The following SETD2 variants were observed in gnomAD, a reference collection of about 807,000 sequenced individuals.
SETD2 encodes the protein histone-lysine N-methyltransferase SETD2.
Under a neutral mutation model 242.1 loss-of-function variants are expected in SETD2, and 31 were observed. The ratio of observed to expected loss-of-function variants is 0.13; its 90% CI spans 0.10 to 0.17. The LOEUF (loss-of-function observed/expected upper bound fraction) is 0.17. Ranked by LOEUF, SETD2 falls within the 10% of genes least tolerant of loss-of-function variation. SETD2 has a pLI of 1.00. For missense variants in SETD2, 2,481 were observed against 3,046.3 expected (o/e 0.81, Z 4.37); for synonymous variants, 1,006 against 1,066.5 (o/e 0.94, Z 1.11).
intron 12 of SETD2, among the ~76,000 whole-genome samples, chr3:47,075,358 G>A (rs1019052214): frequency 1.3e-5 from 2 of 151,572 alleles, no homozygotes; most frequent in African/African-American, 4.8e-5. Context: ...TCGGGAGTTC[G>A]AGACCAGCCT....
chr3:47,123,484 T>C lies in SETD2; in HGVS notation c.1152A>G (p.Glu384=), dbSNP rs1263311477. Residue 384 remains glutamate (E), a synonymous_variant, in exon 3 of 21, where the codon GAA becomes GAG. Transcript: ENST00000409792. The stretch of plus-strand genomic sequence containing the variant: ...GGGAAGATACATACCGAGTATCTCT[T>C]TCAAGTTTTGAATAGCTAAAATATT... ...DDKYFSYSKL[E]RDTRYVSSRC... 16 of 1,551,226 alleles carry C rather than the reference T, an allele frequency of 1.0e-5. No individual in the cohort carries two copies. The East Asian group carries it at 3.4e-4, about 33-fold the overall frequency.
intron 1 of SETD2, chr3:47,157,461 A>G (rs1334243951): frequency 8.8e-6 from 4 of 455,938 alleles, no homozygotes; most frequent in Non-Finnish European, 1.3e-5. Context: ...TCATTTGAAC[A>G]TGCTGAAATA....
chr3:47,066,174 T>C (rs908577695), intron 13 of SETD2, among the ~76,000 whole-genome samples: 6 of 152,204 alleles, frequency 3.9e-5, no homozygotes, highest in Non-Finnish European at 8.8e-5. Context: ...CTCTTATGAT[T>C]TTCTTAATAA....
At chr3:47,056,641 T>C (rs893846589) in intron 15 of SETD2, among the ~76,000 whole-genome samples, 180 bp downstream of exon 15, 10 of 152,176 alleles carry the variant, frequency 6.6e-5, no homozygotes, top group Non-Finnish European at 1.3e-4. Context: ...GCTTCTGAGT[T>C]ACTTATTGTC....
In SETD2 at chr3:47,056,947, A is replaced by G. The variant is rs758322649; in HGVS notation, c.6837T>C (p.Ser2279=). The G allele has an allele frequency of 1.9e-6, 3 of 1,614,264 alleles. No homozygotes were observed. Among genetic ancestry groups the G allele is most frequent in the Non-Finnish European group, 2.5e-6 (3 of 1,180,050 alleles). Residue 2279 remains serine, a synonymous_variant, in exon 15 of 21, where the codon TCT becomes TCC. Transcript: ENST00000409792. The part of the protein sequence containing the change: ...NYSVWDSNQQ[S]VSVQQQYSPA... ...GAGAGTACTGCTGCTGTACACTGAC[A>G]GACTGTTGGTTTGAATCCCAAACAC...
rs2041418810 is a variant in SETD2, at chr3:47,083,791, C to T, written c.5989G>A (p.Glu1997Lys). 6.2e-7 allele frequency: 1 copy of T among 1,614,158 alleles called. No individual in the cohort carries two copies. Among genetic ancestry groups the T allele is most frequent in the Non-Finnish European group, 8.5e-7 (1 of 1,180,002 alleles). ...VSDVESERSQ[E>K]QPDKTVDISD... is the part of the protein sequence containing the mutation. ...ATATCCACTGTTTTATCTGGCTGTT[C>T]TTGGCTCCTTTCACTCTCCACATCA... Residue 1997 changes from glutamate to lysine, a missense_variant, in exon 12 of 21, where the codon GAA becomes AAA. Glu to Lys is a moderately conservative substitution (Grantham distance 56). Around this residue, in one of 17 missense-constraint regions of SETD2, gnomAD observed 203 missense variants for 222.4 expected, o/e 0.91. Transcript: ENST00000409792.
chr3:47,016,442 A>C lies in SETD2; in HGVS notation c.*651T>G. 2 of 230,330 alleles carry C rather than the reference A, an allele frequency of 8.7e-6. No homozygotes were observed. Among genetic ancestry groups the C allele is most frequent in the Non-Finnish European group, 1.7e-5 (2 of 116,024 alleles). 14.3% of individuals were successfully genotyped at this position (230,330 alleles called of 1,614,324 possible). Reference sequence around the variant, plus strand: ...AGGGAACACACATGCCAAGTTCTTTAATTGATTTTATTTTTTTACATAAAA... The same window carrying C: ...AGGGAACACACATGCCAAGTTCTTTCATTGATTTTATTTTTTTACATAAAA... On this transcript the variant is annotated 3_prime_UTR_variant, in exon 21 of 21. Coordinates refer to ENST00000409792, the MANE Select transcript of SETD2 (RefSeq NM_014159.7).
chr3:47,041,679 T>C (rs2039287648), intron 17 of SETD2, among the ~76,000 whole-genome samples: 1 of 151,988 alleles, frequency 6.6e-6, no homozygotes, highest in African/African-American at 2.4e-5. Context: ...AAAGTACATA[T>C]ACCCACATAA....
At chr3:47,074,231 AT>A (rs1425096567) in intron 12 of SETD2, among the ~76,000 whole-genome samples, 2 of 152,362 alleles carry the variant, frequency 1.3e-5, no homozygotes, top group Non-Finnish European at 2.9e-5. Flanking sequence ...ATTTTAAAAA[AT>A]AAAATATATG....
Position 47,124,409 on chromosome 3 carries a change from C to A in SETD2, c.227G>T (p.Ser76Ile), listed in dbSNP as rs587778670. 1 of 1,551,998 alleles carries A rather than the reference C, an allele frequency of 6.4e-7. No individual in the cohort carries two copies. The highest frequency in any genetic ancestry group is 1.2e-5 in the South Asian group (1 of 84,062). The change falls in exon 3 of 21, where the codon AGC becomes ATC. Residue 76 changes from serine (S) to isoleucine (I), a missense_variant. Transcript: ENST00000409792. Reference sequence around the variant, plus strand: ...CAAAGTTTTCTTTGTAAGGCTGAAGCTGAATGACACCTTCTGTCGTCCCTG... The same window carrying A: ...CAAAGTTTTCTTTGTAAGGCTGAAGATGAATGACACCTTCTGTCGTCCCTG... ...EEQGRQKVSF[S>I]FSLTKKTLQN...
intron 5 of SETD2, among the ~76,000 whole-genome samples, chr3:47,112,752 T>G (rs559053267): frequency 6.7e-6 from 1 of 150,304 alleles, no homozygotes; most frequent in African/African-American, 2.5e-5. Context: ...ACCACACCCA[T>G]CTAATTTTTG....
intron 1 of SETD2, among the ~76,000 whole-genome samples, chr3:47,129,937 T>TA (rs1332566201): frequency 6.6e-6 from 1 of 151,260 alleles, no homozygotes; most frequent in Non-Finnish European, 1.5e-5. Flanking sequence ...CTGACATAAT[T>TA]AGTTGAAAGC....
rs576822504 is a variant in SETD2, at chr3:47,036,377, A to C, written c.7350+1289T>G. Among the ~76,000 whole-genome samples, 168 of 152,186 alleles carry C rather than the reference A, an allele frequency of 1.1e-3. 1 individual carries two copies. The highest frequency in any genetic ancestry group is 3.1e-3 in the South Asian group (15 of 4,808). ...CAAGGCCAGCCTGGGCAACACGATAAAACCTCATCTCTACTAAAAATACAA... is the reference window on the plus strand; with the variant it reads ...CAAGGCCAGCCTGGGCAACACGATACAACCTCATCTCTACTAAAAATACAA... On this transcript the variant is annotated intron_variant, in intron 18 of 20. Coordinates refer to ENST00000409792, the MANE Select transcript of SETD2 (RefSeq NM_014159.7).
chr3:47,041,667 A>T (rs768957464), intron 17 of SETD2, among the ~76,000 whole-genome samples: 2 of 152,180 alleles, frequency 1.3e-5, no homozygotes, highest in Non-Finnish European at 2.9e-5. Flanking sequence ...ACACACACAC[A>T]CAAAGTACAT....
intron 1 of SETD2, among the ~76,000 whole-genome samples, chr3:47,136,894 C>T (rs775830604): frequency 1.3e-5 from 2 of 152,124 alleles, no homozygotes; most frequent in Non-Finnish European, 2.9e-5. Flanking sequence ...GCAGAGGTTG[C>T]AGTGTGCCGA....
At chr3:47,133,998 G>C (rs1357783486) in intron 1 of SETD2, among the ~76,000 whole-genome samples, 1 of 152,124 alleles carries the variant, frequency 6.6e-6, no homozygotes, top group Non-Finnish European at 1.5e-5. Flanking sequence ...CTAGCCCAGA[G>C]GTAGGATAGC....
chr3:47,093,712 T>A (rs2041896062), intron 9 of SETD2, among the ~76,000 whole-genome samples: 1 of 152,220 alleles, frequency 6.6e-6, no homozygotes, highest in Non-Finnish European at 1.5e-5. Flanking sequence ...CTGGCTCATA[T>A]GGTATATGTT....
At position 47,124,030 on chromosome 3, in the gene SETD2, G is replaced by A. The variant is rs773519273; in HGVS notation, c.606C>T (p.Leu202=). 1 of 1,552,258 alleles carries A rather than the reference G, an allele frequency of 6.4e-7. No homozygotes were observed. Among genetic ancestry groups the A allele is most frequent in the African/African-American group, 1.4e-5 (1 of 73,186 alleles). ...GCTCTGTTACTGGTGCTGGTGATGA[G>A]AGTGTTGTGGCTTGGGCAGGTGGAG... The part of the protein sequence containing the change: ...PPPPPAQATT[L]SSPAPVTEPV... Residue 202 remains leucine, a synonymous_variant, in exon 3 of 21, where the codon CTC becomes CTT. Transcript: ENST00000409792.
At chr3:47,127,377 C>T (rs763934277) in intron 1 of SETD2, among the ~76,000 whole-genome samples, 2 of 149,900 alleles carry the variant, frequency 1.3e-5, no homozygotes, top group African/African-American at 2.4e-5. Flanking sequence ...CCTGAAGAGA[C>T]GATTCGTTTT....
Sources: allele counts gnomAD v4.1 joint callset (sites outside exome capture counted in the v4.1 genomes callset), GRCh38; gene constraint gnomAD v4.1.1; regional missense constraint gnomAD v4.1.1; transcripts MANE v1.5; gene names NCBI Gene and HGNC (gene_info 2026-07-23, HGNC 2026-07-21).